The following UBE2E2 variants were observed in gnomAD, a reference collection of about 807,000 sequenced individuals.
UBE2E2 encodes the protein ubiquitin-conjugating enzyme E2 E2.
Under a neutral mutation model 24.7 loss-of-function variants are expected in UBE2E2, and 6 were observed. The observed-to-expected ratio is 0.24, with a 90% CI of 0.13 to 0.48. The LOEUF is 0.48. Among genes scored for constraint, UBE2E2 ranks in the 20% least tolerant of loss-of-function variants. UBE2E2 has a pLI of 0.99. For missense variants in UBE2E2, 169 were observed against 245.0 expected (o/e 0.69, Z 2.07); for synonymous variants, 104 against 83.6 (o/e 1.24, Z -1.33).
At chr3:23,419,246 G>C (rs1257863982) in intron 3 of UBE2E2, among the ~76,000 whole-genome samples, 1 of 152,124 alleles carries the variant, frequency 6.6e-6, no homozygotes, top group Non-Finnish European at 1.5e-5. Flanking sequence ...TGAGATTACA[G>C]GTGTGAGCCA....
At chr3:23,478,128 A>G (rs1050702880) in intron 3 of UBE2E2, among the ~76,000 whole-genome samples, 10 of 152,202 alleles carry the variant, frequency 6.6e-5, no homozygotes, top group African/African-American at 1.7e-4. Context: ...CTTTTTGTCA[A>G]TGTTACAAGT....
chr3:23,472,324 A>G (rs533635947), intron 3 of UBE2E2, among the ~76,000 whole-genome samples: 2 of 152,322 alleles, frequency 1.3e-5, no homozygotes, highest in Admixed American at 6.5e-5. Flanking sequence ...GTTTCAGACA[A>G]CCAAAATGAA....
At chr3:23,391,604 T>G (rs1213916675) in intron 3 of UBE2E2, among the ~76,000 whole-genome samples, 1 of 152,210 alleles carries the variant, frequency 6.6e-6, no homozygotes, top group Non-Finnish European at 1.5e-5. Context: ...ATAAATAAAT[T>G]ACATTCAGGT....
intron 3 of UBE2E2, among the ~76,000 whole-genome samples, chr3:23,431,060 C>T (rs1698048849): frequency 1.3e-5 from 2 of 152,094 alleles, no homozygotes. Context: ...GACTTTACAA[C>T]AATGGAGTGG....
At chr3:23,431,884 C>G (rs1292220040) in intron 3 of UBE2E2, among the ~76,000 whole-genome samples, 1 of 152,162 alleles carries the variant, frequency 6.6e-6, no homozygotes, top group South Asian at 2.1e-4. Context: ...CCAACTTGGC[C>G]CACATACTGT....
intron 2 of UBE2E2, among the ~76,000 whole-genome samples, chr3:23,210,005 C>T (rs899816264): frequency 6.6e-6 from 1 of 151,994 alleles, no homozygotes; most frequent in African/African-American, 2.4e-5. Flanking sequence ...GTTTGTTTTG[C>T]CATCACAACA....
rs1318280814 is a variant in UBE2E2 at position 23,479,650 on chromosome 3, G to A, written c.228-19958G>A. On this transcript the variant is annotated intron_variant, in intron 3 of 5. Coordinates refer to ENST00000396703, the MANE Select transcript of UBE2E2 (RefSeq NM_152653.4). ...CAGGAAGAATGAGATTCGGACAACT[G>A]GAGGGTGAGCAAGGTGGAAAGGAGC... is the stretch of plus-strand genomic sequence containing the variant. Among the ~76,000 whole-genome samples the A allele has an allele frequency of 3.7e-4, 57 of 152,166 alleles. 1 individual carries two copies. The highest frequency in any genetic ancestry group is 3.7e-3 in the Admixed American group (57 of 15,274).
At chr3:23,493,239 A>G (rs1042592039) in intron 3 of UBE2E2, among the ~76,000 whole-genome samples, 2 of 152,202 alleles carry the variant, frequency 1.3e-5, no homozygotes, top group African/African-American at 2.4e-5. Flanking sequence ...GATTGAAAGT[A>G]TTCAGTATAT....
chr3:23,550,331 G>A (rs1046158910), intron 5 of UBE2E2, among the ~76,000 whole-genome samples: 2 of 152,122 alleles, frequency 1.3e-5, no homozygotes, highest in Non-Finnish European at 2.9e-5. Context: ...GCAACCCCAT[G>A]TGGCCAAAGG....
intron 5 of UBE2E2, among the ~76,000 whole-genome samples, chr3:23,556,869 T>C (rs913225588): frequency 1.3e-5 from 2 of 152,196 alleles, no homozygotes; most frequent in East Asian, 1.9e-4. Context: ...TCCTGTAGAA[T>C]TATTGCTTTC....
At chr3:23,588,426 C>G (rs28631180) in intron 5 of UBE2E2, among the ~76,000 whole-genome samples, 3 of 124,022 alleles carry the variant, frequency 2.4e-5, no homozygotes, top group African/African-American at 8.7e-5. Flanking sequence ...TTTTTTTTGT[C>G]TTTTTTTTTA....
intron 4 of UBE2E2, among the ~76,000 whole-genome samples, chr3:23,501,827 A>G (rs1699726916): frequency 6.6e-6 from 1 of 152,152 alleles, no homozygotes; most frequent in Non-Finnish European, 1.5e-5. Flanking sequence ...TTCAAGAAAA[A>G]ACTGAGTTAC....
chr3:23,357,532 C>G (rs552248750), intron 3 of UBE2E2, among the ~76,000 whole-genome samples: 3 of 151,860 alleles, frequency 2.0e-5, no homozygotes, highest in Non-Finnish European at 4.4e-5. Context: ...TTAAATAATC[C>G]TACTGTCTTA....
intron 5 of UBE2E2, among the ~76,000 whole-genome samples, chr3:23,575,374 CCTATTCCGT>C (rs1457263789): frequency 6.6e-5 from 10 of 152,110 alleles, no homozygotes; most frequent in Non-Finnish European, 1.3e-4. Flanking sequence ...GAGGCATTTG[CCTATTCCGT>C]CTTCCAAAAG....
intron 3 of UBE2E2, among the ~76,000 whole-genome samples, chr3:23,323,291 C>A (rs1413989031): frequency 3.3e-5 from 5 of 152,020 alleles, no homozygotes. Flanking sequence ...TAATTTGCTC[C>A]TATAGTTACC....
chr3:23,436,675 A>T (rs1698193394), intron 3 of UBE2E2, among the ~76,000 whole-genome samples: 1 of 151,672 alleles, frequency 6.6e-6, no homozygotes. Context: ...CAAAAACTAT[A>T]CTCCCTCCCC....
intron 3 of UBE2E2, among the ~76,000 whole-genome samples, chr3:23,283,910 G>C (rs920547371): frequency 6.6e-6 from 1 of 152,184 alleles, no homozygotes; most frequent in Non-Finnish European, 1.5e-5. Flanking sequence ...CCTTGATTCT[G>C]ATATGTGCAC....
At chr3:23,305,305 G>A (rs901678484) in intron 3 of UBE2E2, among the ~76,000 whole-genome samples, 2 of 152,174 alleles carry the variant, frequency 1.3e-5, no homozygotes, top group African/African-American at 4.8e-5. Flanking sequence ...GCTTTCCTTC[G>A]AGACAGCCAT....
At chr3:23,539,028 T>C (rs1364893638) in intron 5 of UBE2E2, among the ~76,000 whole-genome samples, 2 of 152,162 alleles carry the variant, frequency 1.3e-5, no homozygotes, top group Non-Finnish European at 2.9e-5. Context: ...AATTACCCCA[T>C]TGTAGGCTTA....
Sources: allele counts gnomAD v4.1 joint callset (sites outside exome capture counted in the v4.1 genomes callset), GRCh38; gene constraint gnomAD v4.1.1; transcripts MANE v1.5; gene names NCBI Gene and HGNC (gene_info 2026-07-23, HGNC 2026-07-21).